Variants in ERI1 observed in about 807,000 individuals in gnomAD.
ERI1 encodes 3'-5' exoribonuclease 1.
In ERI1, 39 loss-of-function variants were observed where a neutral mutation model predicts 39.7. That is an observed-to-expected ratio of 0.98 (90% CI 0.76 to 1.28). ERI1 has a LOEUF of 1.28. ERI1 is among the 50% of genes most tolerant of loss of function. The pLI, the probability that ERI1 is intolerant of heterozygous loss-of-function variation, is 0.00. For missense variants in ERI1, 581 were observed against 416.9 expected (o/e 1.39, Z -3.43); for synonymous variants, 204 against 149.6 (o/e 1.36, Z -2.65).
downstream of ERI1, among the ~76,000 whole-genome samples, chr8:9,037,305 C>A (rs1797883470): frequency 6.6e-6 from 1 of 152,204 alleles, no homozygotes; most frequent in South Asian, 2.1e-4. Context: ...CATCCTACTT[C>A]TGTCCCCAGG....
At chr8:9,082,344 C>T (rs554641916) in intron 3 of ERI1, among the ~76,000 whole-genome samples, 1 of 152,304 alleles carries the variant, frequency 6.6e-6, no homozygotes, top group South Asian at 2.1e-4. Context: ...AGTAGACATG[C>T]TAATGAGTTG....
downstream of ERI1, among the ~76,000 whole-genome samples, chr8:9,037,718 A>G (rs1434281065): frequency 2.0e-5 from 3 of 152,160 alleles, no homozygotes; most frequent in Non-Finnish European, 4.4e-5. Context: ...AGAGTTACAG[A>G]TAGGAGCTAT....
chr8:9,092,825 G>T (rs1487824522), intron 3 of ERI1, among the ~76,000 whole-genome samples: 1 of 152,236 alleles, frequency 6.6e-6, no homozygotes, highest in Non-Finnish European at 1.5e-5. Context: ...TCCCAGAATT[G>T]TATTGGCTTA....
At chr8:9,080,824 C>T (rs956062210) in intron 3 of ERI1, among the ~76,000 whole-genome samples, 3 of 152,048 alleles carry the variant, frequency 2.0e-5, no homozygotes, top group Non-Finnish European at 2.9e-5. Flanking sequence ...TGGAGGGCAG[C>T]GGTGCAAAGA....
At chr8:9,081,536 C>T (rs945595080) in intron 3 of ERI1, among the ~76,000 whole-genome samples, 1 of 152,150 alleles carries the variant, frequency 6.6e-6, no homozygotes, top group Non-Finnish European at 1.5e-5. Context: ...CATCCTTCCC[C>T]TGATATGTTC....
chr8:9,076,018 C>CTCAATCTCCTGGGTCCAAG (rs1799200243), intron 3 of ERI1, among the ~76,000 whole-genome samples: 1 of 151,956 alleles, frequency 6.6e-6, no homozygotes, highest in Admixed American at 6.6e-5. Flanking sequence ...TCACTGCAGC[C>CTCAATCTCCTGGGTCCAAG]TCAATCTCCT....
chr8:9,051,139 G>GGTATATATGAATATATATCTGTAT (rs1798341993), intron 3 of ERI1, among the ~76,000 whole-genome samples: 1 of 151,406 alleles, frequency 6.6e-6, no homozygotes, highest in East Asian at 1.9e-4. Flanking sequence ...GGGAATTGGA[G>GGTATATATGAATATATATCTGTAT]GTATATATGA....
At chr8:9,027,090 C>G (rs1190894590) in intron 6 of ERI1, among the ~76,000 whole-genome samples, 2 of 151,894 alleles carry the variant, frequency 1.3e-5, no homozygotes. Context: ...CAGCAATGCA[C>G]AAAGTACTAC....
Position 9,044,795 on chromosome 8 carries a change from A to C in ERI1, n.299+24331A>C, listed in dbSNP as rs145912653. Among the ~76,000 whole-genome samples, 593 of 152,140 alleles carry C rather than the reference A, an allele frequency of 3.9e-3. 5 individuals carry two copies. The highest frequency in any genetic ancestry group is 0.014 in the African/African-American group (579 of 41,490). On this transcript the variant is annotated intron_variant and non_coding_transcript_variant, in intron 3 of 3. Coordinates refer to the ERI1 transcript ENST00000518663. ...TCCCAGTGGAGTTCTCCTTTTCCTC[A>C]ATGTGCAGATAGAGATTCCAAACCT...
intron 6 of ERI1, among the ~76,000 whole-genome samples, chr8:9,026,503 A>G (rs1585227960): frequency 6.6e-6 from 1 of 152,160 alleles, no homozygotes; most frequent in Admixed American, 6.5e-5. Context: ...TGTGACTGGC[A>G]TATTTCACTG....
intron 3 of ERI1, among the ~76,000 whole-genome samples, chr8:9,073,940 T>G (rs1240555764): frequency 6.6e-6 from 1 of 152,174 alleles, no homozygotes; most frequent in Non-Finnish European, 1.5e-5. Flanking sequence ...TTTATTATTT[T>G]TAAAATTTAT....
chr8:9,017,658 T>TA (rs1465377688), intron 4 of ERI1, among the ~76,000 whole-genome samples: 2 of 152,084 alleles, frequency 1.3e-5, no homozygotes, highest in Non-Finnish European at 2.9e-5. Context: ...GAAAGATAGG[T>TA]AGGCAGAAAA....
downstream of ERI1, among the ~76,000 whole-genome samples, chr8:9,035,718 T>C (rs1797822221): frequency 6.6e-6 from 1 of 152,230 alleles, no homozygotes; most frequent in Non-Finnish European, 1.5e-5. Context: ...AGTTCTGGCT[T>C]TCAAGTCTTA....
At chr8:9,060,498 G>T (rs1039061879) in intron 3 of ERI1, among the ~76,000 whole-genome samples, 1 of 152,202 alleles carries the variant, frequency 6.6e-6, no homozygotes, top group Non-Finnish European at 1.5e-5. Flanking sequence ...GGAACACTGA[G>T]AAGTGATCTC....
intron 3 of ERI1, among the ~76,000 whole-genome samples, chr8:9,083,550 C>G (rs1474045970): frequency 6.6e-6 from 1 of 151,860 alleles, no homozygotes; most frequent in Non-Finnish European, 1.5e-5. Context: ...CAATCATCAA[C>G]TCATAATCAA....
chr8:9,007,508 C>T (rs553273819), intron 1 of ERI1, among the ~76,000 whole-genome samples: 16 of 152,136 alleles, frequency 1.1e-4, no homozygotes, highest in Non-Finnish European at 2.1e-4. Context: ...TTAATAGCTA[C>T]TGTGGGTGTA....
intron 3 of ERI1, among the ~76,000 whole-genome samples, chr8:9,041,610 ATG>A (rs1463899127): frequency 1.3e-5 from 2 of 152,238 alleles, no homozygotes; most frequent in Non-Finnish European, 2.9e-5. Context: ...GAAATTAAGA[ATG>A]AGATTTAAAA....
intron 6 of ERI1, 67 bp from the exon 7 acceptor site, chr8:9,029,725 C>T (rs953928044): frequency 6.4e-7 from 1 of 1,569,968 alleles, no homozygotes; most frequent in Non-Finnish European, 8.7e-7. Context: ...TATTTTTCAT[C>T]TTAACTGTGG....
intron 1 of ERI1, chr8:9,003,965 A>T (rs1342012574): frequency 1.6e-6 from 1 of 628,384 alleles, no homozygotes; most frequent in African/African-American, 1.9e-5. Context: ...AATAACATGA[A>T]TTTGGCTTAT....
Sources: allele counts gnomAD v4.1 joint callset (sites outside exome capture counted in the v4.1 genomes callset), GRCh38; gene constraint gnomAD v4.1.1; transcripts MANE v1.5; gene names NCBI Gene and HGNC (gene_info 2026-07-23, HGNC 2026-07-21).